The following IGSF10 variants were observed in gnomAD, a reference collection of about 807,000 sequenced individuals.
IGSF10 encodes calvaria mechanical force protein 608.
A neutral mutation model predicts 128.2 loss-of-function variants in IGSF10; 126 were observed. That is an observed-to-expected ratio of 0.98 (90% CI 0.85 to 1.14). The LOEUF (loss-of-function observed/expected upper bound fraction) is 1.14, where lower values mean the gene tolerates loss of function less well. IGSF10 is among the 50% of genes most tolerant of loss of function. The pLI is 0.00. For synonymous variants in IGSF10, 1,185 were observed against 1,146.2 expected (o/e 1.03, Z -0.68); for missense variants, 3,295 against 3,149.8 (o/e 1.05, Z -1.10).
At chr3:151,602,509 G>T in the IGSF10 span, among the ~76,000 whole-genome samples, 1 of 152,130 alleles carries the variant, frequency 6.6e-6, no homozygotes, top group African/African-American at 2.4e-5. Flanking sequence ...TAAATTTTCA[G>T]TAAGAGATTG....
At chr3:151,511,488 C>A in the IGSF10 span, among the ~76,000 whole-genome samples, 2 of 152,202 alleles carry the variant, frequency 1.3e-5, no homozygotes, top group African/African-American at 2.4e-5. Context: ...AAAGGAGCAA[C>A]TGGTACCAGC....
chr3:151,503,599 A>T, the IGSF10 span, among the ~76,000 whole-genome samples: 1 of 152,206 alleles, frequency 6.6e-6, no homozygotes, highest in African/African-American at 2.4e-5. Flanking sequence ...AACAAAAAGG[A>T]TAATTCATGA....
the IGSF10 span, among the ~76,000 whole-genome samples, chr3:151,546,737 G>T: frequency 2.0e-5 from 3 of 151,968 alleles, no homozygotes; most frequent in African/African-American, 4.8e-5. Context: ...TATAAGTATA[G>T]CCTCTTTACA....
intron 3 of IGSF10, among the ~76,000 whole-genome samples, chr3:151,458,067 TAA>T (rs1411111241): frequency 6.6e-6 from 1 of 151,916 alleles, no homozygotes; most frequent in Non-Finnish European, 1.5e-5. Flanking sequence ...CCATTTTAAA[TAA>T]GTTTGTATGG....
rs1266399085 is a variant in IGSF10, at chr3:151,447,044, G to T, written c.2937C>A (p.Thr979=). ...TGTGTGGATCTGAAGGGAACGTGGA[G>T]GTGCTAAGTATTTGAGTAGTGTGAG... ...FYSHTTQILS[T]STFPSDPHTA... is the part of the protein sequence containing the mutation. Residue 979 remains threonine (T), a synonymous_variant, in exon 6 of 8, where the codon ACC becomes ACA. Coordinates refer to ENST00000282466, the MANE Select transcript of IGSF10 (RefSeq NM_178822.5). The T allele has an allele frequency of 6.2e-7, 1 of 1,613,738 alleles. No individual in the cohort carries two copies. The highest frequency in any genetic ancestry group is 1.1e-5 in the South Asian group (1 of 91,072).
the IGSF10 span, among the ~76,000 whole-genome samples, chr3:151,474,665 C>T: frequency 6.6e-6 from 1 of 152,116 alleles, no homozygotes. Context: ...CATATTAGTC[C>T]ATTTTCACAC....
the IGSF10 span, among the ~76,000 whole-genome samples, chr3:151,517,844 T>C: frequency 6.6e-6 from 1 of 151,960 alleles, no homozygotes; most frequent in Non-Finnish European, 1.5e-5. Context: ...GACTGGGTTT[T>C]GCTTTTTTCT....
chr3:151,578,849 G>T, the IGSF10 span, among the ~76,000 whole-genome samples: 1 of 152,182 alleles, frequency 6.6e-6, no homozygotes, highest in East Asian at 1.9e-4. Context: ...ACTACTGCTG[G>T]TCAAGAGGCA....
At chr3:151,488,615 C>A in the IGSF10 span, among the ~76,000 whole-genome samples, 1 of 152,168 alleles carries the variant, frequency 6.6e-6, no homozygotes, top group South Asian at 2.1e-4. Context: ...GGTATTTATA[C>A]CAAAACAGAT....
chr3:151,557,628 T>C, the IGSF10 span, among the ~76,000 whole-genome samples: 1 of 152,178 alleles, frequency 6.6e-6, no homozygotes, highest in South Asian at 2.1e-4. Flanking sequence ...GCATGTAAGA[T>C]AAAGTAGCAT....
the IGSF10 span, among the ~76,000 whole-genome samples, chr3:151,504,232 G>C: frequency 6.6e-6 from 1 of 152,152 alleles, no homozygotes; most frequent in Admixed American, 6.6e-5. Flanking sequence ...AACAACGGCA[G>C]TTTGGAGGTT....
At chr3:151,442,380 A>ATTT (rs3975405) in intron 7 of IGSF10, among the ~76,000 whole-genome samples, 6,487 of 124,430 alleles carry the variant, frequency 0.052, 509 homozygotes, top group African/African-American at 0.12. Context: ...TACAATTACT[A>ATTT]TTTTTTTTTT....
the IGSF10 span, among the ~76,000 whole-genome samples, chr3:151,553,097 C>T: frequency 6.6e-6 from 1 of 151,952 alleles, no homozygotes; most frequent in Non-Finnish European, 1.5e-5. Context: ...TATAAATATA[C>T]CTTTCTAATA....
At chr3:151,546,073 A>T in the IGSF10 span, among the ~76,000 whole-genome samples, 17 of 151,222 alleles carry the variant, frequency 1.1e-4, no homozygotes, top group South Asian at 3.6e-3. Flanking sequence ...CATAATTGTT[A>T]CCTAGCTCTG....
the IGSF10 span, among the ~76,000 whole-genome samples, chr3:151,569,966 G>A: frequency 2.7e-5 from 4 of 146,732 alleles, no homozygotes; most frequent in Non-Finnish European, 4.5e-5. Context: ...TCCCACCTAT[G>A]AGTGAGAACA....
At chr3:151,594,622 C>T in the IGSF10 span, among the ~76,000 whole-genome samples, 253 of 135,488 alleles carry the variant, frequency 1.9e-3, no homozygotes, top group African/African-American at 6.1e-3. Context: ...GCGCCCGGCC[C>T]TTTTTTTTTT....
In IGSF10 at chr3:151,444,984, G is replaced by A; in HGVS notation, c.4997C>T (p.Ala1666Val). The A allele has an allele frequency of 6.2e-7, 1 of 1,614,110 alleles. No individual in the cohort carries two copies. Among genetic ancestry groups the A allele is most frequent in the Non-Finnish European group, 8.5e-7 (1 of 1,179,978 alleles). The change falls in exon 6 of 8, where the codon GCC becomes GTC. Residue 1666 changes from alanine (A) to valine (V), a missense_variant. By Grantham distance (64) the Ala-to-Val change is moderately conservative. Coordinates refer to ENST00000282466, the MANE Select transcript of IGSF10 (RefSeq NM_178822.5). Reference protein sequence around the residue: ...ASFTIPANSDAFLPCEAVGNP... With the variant: ...ASFTIPANSDVFLPCEAVGNP... The stretch of plus-strand genomic sequence containing the variant: ...TCCAACAGCTTCACAGGGAAGAAAG[G>A]CATCTGAGTTAGCTGGAATAGTAAA...
At position 151,447,544 on chromosome 3, in the gene IGSF10, C is replaced by T. The variant is rs1721268385; in HGVS notation, c.2437G>A (p.Ala813Thr). The T allele has an allele frequency of 1.2e-6, 2 of 1,614,154 alleles. No individual in the cohort carries two copies. Among genetic ancestry groups the T allele is most frequent in the Non-Finnish European group, 1.7e-6 (2 of 1,180,026 alleles). Residue 813 changes from alanine to threonine, a missense_variant, in exon 6 of 8, where the codon GCT (alanine) becomes ACT (threonine). Coordinates refer to ENST00000282466, the MANE Select transcript of IGSF10 (RefSeq NM_178822.5). ...HEEFMVPATK[A>T]LNLPARTVTA... ...ACTGTCCTTGCTGGAAGGTTCAAAG[C>T]TTTAGTGGCCGGGACCATAAATTCC...
At chr3:151,435,942 C>G (rs1323841516), downstream of IGSF10, 1 of 152,100 alleles carries the variant, frequency 6.6e-6, no homozygotes, top group Non-Finnish European at 1.5e-5. Context: ...TAAACAGCTC[C>G]AAACCAGGGG....
Sources: allele counts gnomAD v4.1 joint callset (sites outside exome capture counted in the v4.1 genomes callset), GRCh38; gene constraint gnomAD v4.1.1; transcripts MANE v1.5; gene names NCBI Gene and HGNC (gene_info 2026-07-23, HGNC 2026-07-21).